The following TPM2 variants were observed in gnomAD, a reference collection of about 807,000 sequenced individuals.
TPM2 encodes the protein tropomyosin 2, also known as tropomyosin beta chain.
In TPM2, 26 loss-of-function variants were observed where a neutral mutation model predicts 41.0. That is an observed-to-expected ratio of 0.63 (90% CI 0.46 to 0.88). The LOEUF is 0.88. TPM2 is among the 40% of genes least tolerant of loss of function. TPM2 has a pLI of 0.00. For missense variants in TPM2, 187 were observed against 355.2 expected, an observed-to-expected ratio of 0.53 and a Z score of 3.81; for synonymous variants, 143 against 139.3, an observed-to-expected ratio of 1.03 and a Z score of -0.19.
chr9:35,682,015 G>T, downstream of TPM2: 1 of 1,534,976 alleles, frequency 6.5e-7, no homozygotes, highest in Non-Finnish European at 9.0e-7. Context: ...GCCTTGAGAG[G>T]CTAGTAACAT....
chr9:35,689,118 T>A (rs1563931707), intron 2 of TPM2, 28 bp downstream of exon 2: 13 of 1,614,002 alleles, frequency 8.1e-6, no homozygotes, highest in Non-Finnish European at 1.1e-5. Flanking sequence ...CCCTAACTCC[T>A]CCCATTGTCC....
At chr9:35,682,732 GC>G (rs1402072569), downstream of TPM2, 1 of 1,317,140 alleles carries the variant, frequency 7.6e-7, no homozygotes, top group East Asian at 5.3e-5. Context: ...GGCCACACGT[GC>G]CCACATGCAG....
chr9:35,690,053 C>A, upstream of TPM2: 3 of 1,344,766 alleles, frequency 2.2e-6, no homozygotes, highest in Non-Finnish European at 2.9e-6. Context: ...GGGGGTGCGG[C>A]CGCCCCCTTC....
At chr9:35,688,848 T>C (rs1825085460) in intron 2 of TPM2, among the ~76,000 whole-genome samples, 1 of 152,208 alleles carries the variant, frequency 6.6e-6, no homozygotes, top group South Asian at 2.1e-4. Context: ...TGGTAAATTC[T>C]TATACCTTCC....
chr9:35,689,989 G>A (rs1194605667), upstream of TPM2: 68 of 1,482,216 alleles, frequency 4.6e-5, no homozygotes, highest in Non-Finnish European at 5.6e-5. Context: ...CGGCAACCAG[G>A]ACCCTCCCCC....
In TPM2 at chr9:35,685,989, G is replaced by A. The variant is rs1159534103; in HGVS notation, c.241-209C>T. 6.6e-6 allele frequency among the ~76,000 whole-genome samples: 1 copy of A among 152,224 alleles called. No individual in the cohort carries two copies. Among genetic ancestry groups the A allele is most frequent in the East Asian group, 1.9e-4 (1 of 5,198 alleles). Reference sequence around the variant, plus strand: ...ATTCAGGCCGGGCATGGTGGCTCACGCCTGTAATCCCCGCACTCTGGGAGG... The same window carrying A: ...ATTCAGGCCGGGCATGGTGGCTCACACCTGTAATCCCCGCACTCTGGGAGG... On this transcript the variant is annotated intron_variant, in intron 2 of 8. Transcript: ENST00000645482. The surrounding 1 kb of genome is among the most constrained non-coding windows in gnomAD (Gnocchi z 5.0).
At chr9:35,683,486 C>A (rs1563926878) in intron 8 of TPM2, among the ~76,000 whole-genome samples, 1 of 152,182 alleles carries the variant, frequency 6.6e-6, no homozygotes, top group African/African-American at 2.4e-5. Flanking sequence ...CAGCTCCTGC[C>A]TCTCCAGGGA....
intron 2 of TPM2, among the ~76,000 whole-genome samples, chr9:35,688,311 C>A (rs1327883050): frequency 6.6e-6 from 1 of 152,200 alleles, no homozygotes; most frequent in Non-Finnish European, 1.5e-5. Context: ...TCAGACCATG[C>A]TTTATGCTAA....
chr9:35,682,645 A>T, downstream of TPM2: 9 of 1,308,558 alleles, frequency 6.9e-6, 1 homozygote, highest in South Asian at 1.1e-4. Flanking sequence ...CTTTCCAGTC[A>T]CTCTGTTTGA....
upstream of TPM2, chr9:35,690,051 G>T: frequency 7.4e-7 from 1 of 1,351,620 alleles, no homozygotes; most frequent in South Asian, 1.5e-5. Flanking sequence ...CGGGGGGTGC[G>T]GCCGCCCCCT....
At chr9:35,682,739 T>A (rs1824641254), downstream of TPM2, 2 of 1,317,970 alleles carry the variant, frequency 1.5e-6, no homozygotes, top group Non-Finnish European at 2.0e-6. Flanking sequence ...CGTGCCCACA[T>A]GCAGTGGTGA....
Position 35,683,124 on chromosome 9 carries a change from A to G in TPM2, c.*35T>C. On this transcript the variant is annotated 3_prime_UTR_variant, in exon 9 of 9. Coordinates refer to ENST00000645482, the MANE Select transcript of TPM2 (RefSeq NM_003289.4). The stretch of plus-strand genomic sequence containing the variant: ...ATAGAGAGAATGGAAAGGAGAGGAG[A>G]GAAGAGAGCTGAGGTGGCCACGCTG... 6.4e-7 allele frequency: 1 copy of G among 1,551,774 alleles called. No homozygotes were observed. Among genetic ancestry groups the G allele is most frequent in the Non-Finnish European group, 8.7e-7 (1 of 1,147,022 alleles).
chr9:35,689,947 C>T (rs1825164855), upstream of TPM2: 4 of 1,572,552 alleles, frequency 2.5e-6, no homozygotes, highest in Non-Finnish European at 3.4e-6. Flanking sequence ...GCCACGCGGG[C>T]GCCTAAAAGG....
downstream of TPM2, chr9:35,682,213 C>A: frequency 6.3e-7 from 1 of 1,595,244 alleles, no homozygotes; most frequent in South Asian, 1.1e-5. Context: ...AAGGGGGAGA[C>A]GTGGGGAGGC....
At chr9:35,688,244 C>T (rs143971926) in intron 2 of TPM2, among the ~76,000 whole-genome samples, 93 of 152,304 alleles carry the variant, frequency 6.1e-4, no homozygotes, top group Non-Finnish European at 1.1e-3. Context: ...GAAGCCCAAC[C>T]CCTGGGGGGC....
chr9:35,685,612 C>T lies in TPM2; in HGVS notation c.374+35G>A. On this transcript the variant is annotated intron_variant, in intron 3 of 8. Coordinates refer to ENST00000645482, the MANE Select transcript of TPM2 (RefSeq NM_003289.4). This position sits in a 1 kb window ranked among gnomAD's most constrained non-coding sequence, Gnocchi z 5.0. ...ACCAGCAGAGACAGGCTCCCTTCTC[C>T]CTCCCGGACCATCCTCCCCGAGGCC... 1 of 1,614,146 alleles carries T rather than the reference C, an allele frequency of 6.2e-7. No homozygotes were observed. Among genetic ancestry groups the T allele is most frequent in the Non-Finnish European group, 8.5e-7 (1 of 1,180,034 alleles).
chr9:35,684,969 A>C (rs1824801217), intron 5 of TPM2, 162 bp from the exon 6 acceptor site: 2 of 1,612,870 alleles, frequency 1.2e-6, no homozygotes, highest in Non-Finnish European at 1.7e-6. Context: ...CCTGATCCCC[A>C]GCAGCTGAGA....
chr9:35,682,325 C>T (rs1463358678), downstream of TPM2: 4 of 971,734 alleles, frequency 4.1e-6, no homozygotes, highest in African/African-American at 1.6e-5. Context: ...GATGGACTGA[C>T]TAGGATGAGG....
rs1386678302 is a variant in TPM2 at position 35,684,307 on chromosome 9, G to C, written c.711C>G (p.Thr237=). 1 of 1,614,010 alleles carries C rather than the reference G, an allele frequency of 6.2e-7. No individual in the cohort carries two copies. The highest frequency in any genetic ancestry group is 8.5e-7 in the Non-Finnish European group (1 of 1,180,036). ...CAGACCTCTCGGCAAACTCTGCTCG[G>C]GTCTCAGCCTGGGGGTAAAGGCAGG... ...LLEEKLKEAE[T]RAEFAERSVA... The change falls in exon 8 of 9, where the codon ACC becomes ACG. Residue 237 remains threonine (T), a synonymous_variant. Coordinates refer to ENST00000645482, the MANE Select transcript of TPM2 (RefSeq NM_003289.4).
Sources: allele counts gnomAD v4.1 joint callset (sites outside exome capture counted in the v4.1 genomes callset), GRCh38; gene constraint gnomAD v4.1.1; non-coding constraint Gnocchi (gnomAD v3.1); transcripts MANE v1.5; gene names NCBI Gene and HGNC (gene_info 2026-07-23, HGNC 2026-07-21).